Variants in DNAH3 observed in about 807,000 individuals in gnomAD.
DNAH3 encodes dynein axonemal heavy chain 3, also known as axonemal beta dynein heavy chain 3.
DNAH3 carries 332 observed loss-of-function variants against 432.5 expected under a neutral mutation model. The observed-to-expected ratio is 0.77, with a 90% CI of 0.70 to 0.84. The LOEUF (loss-of-function observed/expected upper bound fraction) is 0.84. Among genes scored for constraint, DNAH3 ranks in the 40% least tolerant of loss-of-function variants. The pLI is 0.00. For missense variants in DNAH3, 4,861 were observed against 5,114.0 expected (o/e 0.95, Z 1.51); for synonymous variants, 1,956 against 1,900.2 (o/e 1.03, Z -0.76).
chr16:21,142,574 C>A (rs2092734067), intron 3 of DNAH3, among the ~76,000 whole-genome samples: 1 of 151,764 alleles, frequency 6.6e-6, no homozygotes, highest in African/African-American at 2.4e-5. Flanking sequence ...TATTATTCAA[C>A]TTTAATTAGA....
At chr16:20,970,887 CAG>C (rs1433680929) in intron 51 of DNAH3, among the ~76,000 whole-genome samples, 3 of 125,186 alleles carry the variant, frequency 2.4e-5, no homozygotes, top group Non-Finnish European at 4.8e-5. Context: ...TTTTTTGAGA[CAG>C]AGTCTCGCTC....
At chr16:20,968,321 A>G (rs148526526) in intron 52 of DNAH3, among the ~76,000 whole-genome samples, 3,892 of 151,826 alleles carry the variant, frequency 0.026, 182 homozygotes, top group African/African-American at 0.089. Context: ...CACCCACCTC[A>G]GCCTCCCAAA....
intron 1 of DNAH3, among the ~76,000 whole-genome samples, chr16:21,153,024 C>A (rs1012535315): frequency 6.6e-6 from 1 of 152,182 alleles, no homozygotes; most frequent in Non-Finnish European, 1.5e-5. Flanking sequence ...CCTGCAGCCC[C>A]GGTGCAGGAG....
intron 36 of DNAH3, among the ~76,000 whole-genome samples, 197 bp downstream of exon 36, chr16:21,033,777 T>C (rs939513348): frequency 2.0e-5 from 3 of 152,070 alleles, no homozygotes; most frequent in African/African-American, 7.2e-5. Flanking sequence ...GCACATGAAA[T>C]CCCTTGTTAT....
chr16:20,974,548 G>GCAC (rs1473516806), intron 51 of DNAH3, among the ~76,000 whole-genome samples: 1 of 149,874 alleles, frequency 6.7e-6, no homozygotes, highest in Non-Finnish European at 1.5e-5. Flanking sequence ...GGACTACATG[G>GCAC]GTGTGCCACT....
At chr16:21,000,544 C>A in intron 42 of DNAH3, 26 bp from the exon 43 acceptor site, 2 of 1,563,956 alleles carry the variant, frequency 1.3e-6, no homozygotes, top group South Asian at 1.2e-5. Context: ...ATGGGAGAGT[C>A]TCGGTTGTGG....
At chr16:20,984,346 G>C (rs1255183082) in intron 48 of DNAH3, among the ~76,000 whole-genome samples, 1 of 152,146 alleles carries the variant, frequency 6.6e-6, no homozygotes, top group Non-Finnish European at 1.5e-5. Context: ...CTGGGTAAAA[G>C]GATGGCAGCT....
intron 39 of DNAH3, among the ~76,000 whole-genome samples, chr16:21,023,457 A>C (rs2088359458): frequency 6.6e-6 from 1 of 152,210 alleles, no homozygotes; most frequent in South Asian, 2.1e-4. Flanking sequence ...AGGGTAAAGA[A>C]GCCTTCCTGG....
At chr16:21,044,650 T>C (rs1395128807) in intron 31 of DNAH3, among the ~76,000 whole-genome samples, 12 of 53,720 alleles carry the variant, frequency 2.2e-4, no homozygotes, top group Admixed American at 2.2e-3. Context: ...CTTTTCCTAA[T>C]TGAATACCCT....
At chr16:21,039,435 G>A (rs1032583949) in intron 33 of DNAH3, among the ~76,000 whole-genome samples, 1 of 151,978 alleles carries the variant, frequency 6.6e-6, no homozygotes, top group Non-Finnish European at 1.5e-5. Flanking sequence ...GGCCAGGCTG[G>A]TCTCAAACTC....
At chr16:21,047,357 TG>T (rs2089749193) in intron 31 of DNAH3, among the ~76,000 whole-genome samples, 1 of 149,694 alleles carries the variant, frequency 6.7e-6, no homozygotes, top group African/African-American at 2.5e-5. Flanking sequence ...CCATATTTCT[TG>T]GAGGCTTTGC....
intron 12 of DNAH3, among the ~76,000 whole-genome samples, chr16:21,114,602 T>TCAAAAGACATTTATGCAGC (rs1360347085): frequency 6.6e-6 from 1 of 152,094 alleles, no homozygotes; most frequent in Non-Finnish European, 1.5e-5. Context: ...CAGACACTTC[T>TCAAAAGACATTTATGCAGC]CAAAAGACAT....
chr16:21,123,499 C>T (rs1024352905), intron 9 of DNAH3, among the ~76,000 whole-genome samples: 1 of 152,146 alleles, frequency 6.6e-6, no homozygotes, highest in African/African-American at 2.4e-5. Flanking sequence ...TTATGCTTAG[C>T]AAAGTAGACA....
At chr16:20,989,484 C>G (rs1597074988) in intron 44 of DNAH3, among the ~76,000 whole-genome samples, 1 of 152,154 alleles carries the variant, frequency 6.6e-6, no homozygotes, top group Non-Finnish European at 1.5e-5. Flanking sequence ...AAACCTTCAG[C>G]TAAACACAGG....
intron 21 of DNAH3, among the ~76,000 whole-genome samples, chr16:21,071,585 A>G (rs1203901787): frequency 6.6e-6 from 1 of 152,074 alleles, no homozygotes; most frequent in Non-Finnish European, 1.5e-5. Flanking sequence ...TCTTCCTTGA[A>G]AATGTTATTA....
At chr16:21,065,940 C>T (rs1026301140) in intron 24 of DNAH3, among the ~76,000 whole-genome samples, 4 of 152,074 alleles carry the variant, frequency 2.6e-5, no homozygotes, top group African/African-American at 9.7e-5. Flanking sequence ...AATTCTCCTG[C>T]CTTAGCCTCC....
At chr16:21,096,102 A>C (rs1371491560) in intron 18 of DNAH3, among the ~76,000 whole-genome samples, 2 of 150,254 alleles carry the variant, frequency 1.3e-5, no homozygotes, top group Non-Finnish European at 3.0e-5. Context: ...AGCACTAGAA[A>C]CTTGCTAAAG....
chr16:20,969,781 G>A lies in DNAH3; in HGVS notation c.8458+11C>T, dbSNP rs893883165. 6.2e-7 allele frequency: 1 copy of A among 1,614,054 alleles called. No individual in the cohort carries two copies. Among genetic ancestry groups the A allele is most frequent in the Non-Finnish European group, 8.5e-7 (1 of 1,180,002 alleles). ...CAGCCTGTGCAGGCATCTGGGTGGG[G>A]TGGCACTTACCGGAGCCACTGGGGT... On this transcript the variant is annotated intron_variant, in intron 52 of 61. Coordinates refer to ENST00000261383, the Ensembl canonical transcript of DNAH3.
exon 6 of DNAH3, chr16:21,136,456 C>G: frequency 6.2e-7 from 1 of 1,614,118 alleles, no homozygotes; most frequent in Non-Finnish European, 8.5e-7. Context: ...ATCACTTCAC[C>G]CTCCTCAGGG....
Sources: allele counts gnomAD v4.1 joint callset (sites outside exome capture counted in the v4.1 genomes callset), GRCh38; gene constraint gnomAD v4.1.1; transcripts MANE v1.5; gene names NCBI Gene and HGNC (gene_info 2026-07-23, HGNC 2026-07-21).